SPON1: variants seen among roughly 807,000 people sequenced by gnomAD.
SPON1 encodes spondin-1.
Under a neutral mutation model 111.7 loss-of-function variants are expected in SPON1, and 52 were observed. That is an observed-to-expected ratio of 0.47 (90% CI 0.37 to 0.59). The LOEUF is 0.59. Ranked by LOEUF, SPON1 falls within the 20% of genes least tolerant of loss-of-function variation. The pLI is 0.00. For synonymous variants in SPON1, 410 were observed against 395.8 expected (o/e 1.04, Z -0.43); for missense variants, 957 against 1,068.5 (o/e 0.90, Z 1.46).
intron 14 of SPON1, 64 bp from the exon 15 acceptor site, chr11:14,262,645 AAAG>A (rs1239362076): frequency 6.3e-7 from 1 of 1,592,546 alleles, no homozygotes; most frequent in South Asian, 1.1e-5. Flanking sequence ...TGAGATGTTC[AAAG>A]GAGAGCGTGA....
At chr11:14,180,548 C>T (rs1479142556) in intron 6 of SPON1, among the ~76,000 whole-genome samples, 4 of 152,192 alleles carry the variant, frequency 2.6e-5, no homozygotes, top group Non-Finnish European at 5.9e-5. Flanking sequence ...TAATAAGTCA[C>T]CCCTGAGAGT....
Position 14,243,407 on chromosome 11 carries a change from C to T in SPON1, c.890+11C>T. ...GCAGCCTCTCAACGTGTAAGTAACA[C>T]AAGTCCCTTGCCTGGCCTGTCTTAT... is the stretch of plus-strand genomic sequence containing the variant. On this transcript the variant is annotated intron_variant, in intron 7 of 15. Transcript: ENST00000576479. 2 of 1,563,880 alleles carry T rather than the reference C, an allele frequency of 1.3e-6. No homozygotes were observed. The highest frequency in any genetic ancestry group is 8.7e-7 in the Non-Finnish European group (1 of 1,153,564).
At chr11:14,104,288 A>G (rs1172982163) in intron 5 of SPON1, among the ~76,000 whole-genome samples, 2 of 151,430 alleles carry the variant, frequency 1.3e-5, no homozygotes, top group Non-Finnish European at 2.9e-5. Context: ...GCTTAGGTTT[A>G]TGTTCTTCCA....
chr11:14,187,297 A>G (rs180850384), intron 6 of SPON1, among the ~76,000 whole-genome samples: 89 of 152,294 alleles, frequency 5.8e-4, no homozygotes, highest in Non-Finnish European at 1.5e-5. Flanking sequence ...TGAGGGTCAC[A>G]TTTCAACATG....
chr11:14,069,346 C>A (rs1462098316), intron 3 of SPON1, among the ~76,000 whole-genome samples: 1 of 152,144 alleles, frequency 6.6e-6, no homozygotes, highest in African/African-American at 2.4e-5. Flanking sequence ...TTATGCTTAA[C>A]TTTCTCTTTC....
intron 6 of SPON1, among the ~76,000 whole-genome samples, chr11:14,173,880 G>A (rs1329521698): frequency 6.7e-6 from 1 of 148,632 alleles, no homozygotes; most frequent in South Asian, 2.1e-4. Flanking sequence ...ACCTGGCCGT[G>A]TGAGGTGTCA....
chr11:14,098,418 C>G (rs1849118632), intron 5 of SPON1, among the ~76,000 whole-genome samples: 1 of 152,152 alleles, frequency 6.6e-6, no homozygotes, highest in Admixed American at 6.5e-5. Flanking sequence ...TGTGATGAGC[C>G]TAATTTAATT....
At chr11:14,178,767 T>C (rs1460080199) in intron 6 of SPON1, among the ~76,000 whole-genome samples, 4 of 151,978 alleles carry the variant, frequency 2.6e-5, no homozygotes, top group African/African-American at 7.3e-5. Flanking sequence ...AAGTTATCTG[T>C]TAATTACACA....
chr11:14,073,352 G>A (rs542418674), intron 3 of SPON1, among the ~76,000 whole-genome samples: 1 of 152,290 alleles, frequency 6.6e-6, no homozygotes, highest in African/African-American at 2.4e-5. Flanking sequence ...GTCAGACGTG[G>A]AATTTTCCAC....
intron 3 of SPON1, among the ~76,000 whole-genome samples, chr11:14,047,074 T>C (rs1848673755): frequency 6.6e-6 from 1 of 152,178 alleles, no homozygotes; most frequent in Non-Finnish European, 1.5e-5. Context: ...ACTCTCTTGG[T>C]AGTTCTACTG....
chr11:13,999,573 C>T (rs1396069690), intron 2 of SPON1, among the ~76,000 whole-genome samples: 2 of 151,972 alleles, frequency 1.3e-5, no homozygotes, highest in Non-Finnish European at 2.9e-5. Flanking sequence ...ACCTGGCTAA[C>T]TTTTGTATAT....
chr11:14,063,859 G>T (rs576086626), intron 3 of SPON1, among the ~76,000 whole-genome samples: 2 of 152,318 alleles, frequency 1.3e-5, no homozygotes, highest in Non-Finnish European at 2.9e-5. Context: ...GTTGCCATCA[G>T]CCAAACTGCC....
chr11:14,173,198 A>G (rs1349840100), intron 6 of SPON1, among the ~76,000 whole-genome samples: 3 of 151,852 alleles, frequency 2.0e-5, no homozygotes, highest in Non-Finnish European at 4.4e-5. Context: ...GTTTCTTTTT[A>G]TTCTTTTTTC....
intron 3 of SPON1, among the ~76,000 whole-genome samples, chr11:14,063,644 G>T (rs1288666994): frequency 6.6e-6 from 1 of 152,192 alleles, no homozygotes; most frequent in Non-Finnish European, 1.5e-5. Flanking sequence ...TACAAGAGGG[G>T]CACAGACATT....
intron 2 of SPON1, among the ~76,000 whole-genome samples, chr11:14,041,303 C>G (rs1173247050): frequency 6.6e-6 from 1 of 152,120 alleles, no homozygotes; most frequent in Non-Finnish European, 1.5e-5. Context: ...TCCCAGAGAG[C>G]AAAGATGTGC....
At chr11:14,116,818 C>T (rs1410826865) in intron 5 of SPON1, among the ~76,000 whole-genome samples, 1 of 152,078 alleles carries the variant, frequency 6.6e-6, no homozygotes, top group Non-Finnish European at 1.5e-5. Flanking sequence ...GACAACTTTA[C>T]ATTATTAAAT....
intron 6 of SPON1, among the ~76,000 whole-genome samples, chr11:14,162,491 T>C (rs1293071360): frequency 6.6e-6 from 1 of 152,240 alleles, no homozygotes; most frequent in Admixed American, 6.5e-5. Context: ...ATTTCCAGTT[T>C]AGGCTTCTTG....
intron 6 of SPON1, among the ~76,000 whole-genome samples, chr11:14,178,870 A>G (rs1299003457): frequency 1.3e-5 from 2 of 152,226 alleles, no homozygotes; most frequent in African/African-American, 4.8e-5. Flanking sequence ...CTGCTGCAGC[A>G]GACACCTTGA....
At chr11:14,035,449 C>CTAA (rs1293332459) in intron 2 of SPON1, among the ~76,000 whole-genome samples, 1 of 151,928 alleles carries the variant, frequency 6.6e-6, no homozygotes, top group Non-Finnish European at 1.5e-5. Context: ...CTGAAAAATG[C>CTAA]TATTATTATT....
Sources: allele counts gnomAD v4.1 joint callset (sites outside exome capture counted in the v4.1 genomes callset), GRCh38; gene constraint gnomAD v4.1.1; transcripts MANE v1.5; gene names NCBI Gene and HGNC (gene_info 2026-07-23, HGNC 2026-07-21).